Variants in ARID1B observed in about 807,000 individuals in gnomAD.
ARID1B encodes the protein AT-rich interactive domain-containing protein 1B.
ARID1B carries 30 observed loss-of-function variants against 212.3 expected under a neutral mutation model. The ratio of observed to expected loss-of-function variants is 0.14; its 90% CI spans 0.11 to 0.19. ARID1B has a LOEUF of 0.19. Ranked by LOEUF, ARID1B falls within the 10% of genes least tolerant of loss-of-function variation. ARID1B has a pLI of 1.00. For missense variants in ARID1B, 2,891 were observed against 3,204.0 expected (o/e 0.90, Z 2.36); for synonymous variants, 1,402 against 1,301.7 (o/e 1.08, Z -1.66).
At chr6:157,098,600 T>A (rs1785824474) in intron 5 of ARID1B, among the ~76,000 whole-genome samples, 1 of 152,224 alleles carries the variant, frequency 6.6e-6, no homozygotes, top group African/African-American at 2.4e-5. Context: ...TTAGAAGTGG[T>A]TCCTGCTTTC....
chr6:156,818,530 A>T (rs1464189734), intron 1 of ARID1B, among the ~76,000 whole-genome samples: 1 of 152,152 alleles, frequency 6.6e-6, no homozygotes, highest in African/African-American at 2.4e-5. Flanking sequence ...AATCACACTA[A>T]ACATCTTTTG....
chr6:157,077,927 T>C (rs1784407164), intron 4 of ARID1B, among the ~76,000 whole-genome samples: 1 of 152,164 alleles, frequency 6.6e-6, no homozygotes, highest in South Asian at 2.1e-4. Context: ...TTCCTCACAT[T>C]ATTCAGTATC....
rs189648281 is a variant in ARID1B at position 156,860,881 on chromosome 6, T to G, written c.1986+31460T>G. ...TCTGGATCTCTTTAGAAAAAGCCTTTGGTCTATTTAAGCACTCTGTTTGTG... is the reference window on the plus strand; with the variant it reads ...TCTGGATCTCTTTAGAAAAAGCCTTGGGTCTATTTAAGCACTCTGTTTGTG... On this transcript the variant is annotated intron_variant, in intron 2 of 19. Transcript: ENST00000636930. 5.5e-3 allele frequency among the ~76,000 whole-genome samples: 831 copies of G among 152,370 alleles called. 2 individuals are homozygous for G. The highest frequency in any genetic ancestry group is 9.1e-3 in the Non-Finnish European group (616 of 68,026).
chr6:156,816,292 T>C (rs184805260), intron 1 of ARID1B, among the ~76,000 whole-genome samples: 1 of 152,342 alleles, frequency 6.6e-6, no homozygotes, highest in African/African-American at 2.4e-5. Flanking sequence ...TTATTACTTA[T>C]ACTTGACACA....
chr6:156,794,192 TA>T (rs571646196), intron 1 of ARID1B, among the ~76,000 whole-genome samples: 2 of 151,124 alleles, frequency 1.3e-5, no homozygotes, highest in Admixed American at 6.6e-5. Flanking sequence ...TGGTAACATT[TA>T]AAAAAAAAGA....
At chr6:156,875,717 C>T (rs921160889) in intron 2 of ARID1B, among the ~76,000 whole-genome samples, 13 of 152,164 alleles carry the variant, frequency 8.5e-5, no homozygotes, top group African/African-American at 2.2e-4. Flanking sequence ...AAGAAAGCTG[C>T]GCGTATTAAG....
intron 3 of ARID1B, among the ~76,000 whole-genome samples, chr6:156,928,536 C>T (rs1312595592): frequency 1.3e-5 from 2 of 152,174 alleles, no homozygotes; most frequent in East Asian, 3.9e-4. Context: ...GAGGTCCAAA[C>T]ATTAAGGATG....
In ARID1B at chr6:156,859,139, A is replaced by G. The variant is rs550870042; in HGVS notation, c.1986+29718A>G. ...CACTCTTTTTTATTTTTTGAGACAG[A>G]GTCTTGCCTGTCGCCCAGGCTGGAG... is the stretch of plus-strand genomic sequence containing the variant. On this transcript the variant is annotated intron_variant, in intron 2 of 19. Coordinates refer to ENST00000636930, the MANE Select transcript of ARID1B (RefSeq NM_001374828.1). Among the ~76,000 whole-genome samples the G allele has an allele frequency of 2.0e-5, 3 of 152,222 alleles. No individual in the cohort carries two copies. In the South Asian group the frequency reaches 6.2e-4, roughly 32 times the overall value.
At chr6:157,072,229 C>T (rs1012220805) in intron 4 of ARID1B, 4 of 152,176 alleles carry the variant, frequency 2.6e-5, no homozygotes, top group African/African-American at 9.7e-5. Context: ...TTAATCTTCT[C>T]TTCATTCAGT....
chr6:157,133,335 T>C, intron 7 of ARID1B, 128 bp downstream of exon 7: 1 of 1,112,384 alleles, frequency 9.0e-7, no homozygotes, highest in East Asian at 2.7e-5. Flanking sequence ...GACAGGTTTG[T>C]GAGGTTCATA....
chr6:156,870,512 A>C (rs1298810622), intron 2 of ARID1B: 1 of 152,236 alleles, frequency 6.6e-6, no homozygotes. Flanking sequence ...CCATTGAACA[A>C]ATTATTTAGG....
Position 156,779,245 on chromosome 6 carries a change from A to C in ARID1B, c.1565A>C (p.Glu522Ala). Residue 522 changes from glutamate (E) to alanine (A), a missense_variant, in exon 1 of 20, where the codon GAG becomes GCG. Coordinates refer to ENST00000636930, the MANE Select transcript of ARID1B (RefSeq NM_001374828.1). ...MMRSYGGSYP[E>A]YSSPSAPPPP... ...CGGAGCTACGGCGGCAGCTACCCCG[A>C]GTACAGCAGCCCCAGCGCGCCGCCG... The C allele has an allele frequency of 8.4e-7, 1 of 1,194,526 alleles. No homozygotes were observed. The highest frequency in any genetic ancestry group is 1.0e-6 in the Non-Finnish European group (1 of 956,920). 74.0% of individuals were successfully genotyped at this position (1,194,526 alleles called of 1,614,324 possible). A position where few individuals can be genotyped will look rare whatever the true frequency, so the allele number is the denominator to read the frequency against.
Position 157,064,905 on chromosome 6 carries a change from A to T in ARID1B, c.2248-19757A>T, listed in dbSNP as rs186517037. ...CTTCAGGACAAATAAGCAGTAGAGG[A>T]AGTTACTGTCTTTTGTTGTTTTATT... On this transcript the variant is annotated intron_variant, in intron 4 of 19. Coordinates refer to ENST00000636930, the MANE Select transcript of ARID1B (RefSeq NM_001374828.1). 7.9e-3 allele frequency among the ~76,000 whole-genome samples: 1,207 copies of T among 152,320 alleles called. 5 individuals carry two copies. Among genetic ancestry groups the T allele is most frequent in the Non-Finnish European group, 0.013 (906 of 68,028 alleles).
intron 4 of ARID1B, among the ~76,000 whole-genome samples, chr6:156,964,316 T>C (rs573101563): frequency 6.6e-6 from 1 of 152,340 alleles, no homozygotes; most frequent in African/African-American, 2.4e-5. Flanking sequence ...ATTTTGAAAA[T>C]TTATTGGTAT....
At chr6:157,198,775 T>G in intron 16 of ARID1B, 36 bp from the exon 17 acceptor site, 1 of 1,538,338 alleles carries the variant, frequency 6.5e-7, no homozygotes, top group Non-Finnish European at 8.9e-7. Context: ...CTGAAGCTTT[T>G]TCTCAGTTAA....
At chr6:157,024,541 C>T (rs1780532241) in intron 4 of ARID1B, 1 of 152,166 alleles carries the variant, frequency 6.6e-6, no homozygotes, top group African/African-American at 2.4e-5. Context: ...GCGGGCAGAT[C>T]ACTTGAGGTC....
At chr6:156,934,811 G>A (rs1792026405) in intron 3 of ARID1B, among the ~76,000 whole-genome samples, 1 of 150,104 alleles carries the variant, frequency 6.7e-6, no homozygotes, top group South Asian at 2.1e-4. Flanking sequence ...AGTTTGGTTT[G>A]GCTACAGCTG....
At chr6:157,161,429 G>GTATATATATATA (rs1228344142) in intron 8 of ARID1B, among the ~76,000 whole-genome samples, 16 of 134,084 alleles carry the variant, frequency 1.2e-4, no homozygotes, top group African/African-American at 4.8e-4. Context: ...GATTGTGTGT[G>GTATATATATATA]TGTATATATA....
chr6:157,206,063 T>C lies in ARID1B; in HGVS notation c.5395-104T>C. 8.0e-7 allele frequency: 1 copy of C among 1,248,534 alleles called. No individual in the cohort carries two copies. The highest frequency in any genetic ancestry group is 2.3e-5 in the East Asian group (1 of 42,944). The allele number at this position is 1,248,534 out of a possible 1,614,324, so 77.3% of individuals were successfully genotyped here. A position where few individuals can be genotyped will look rare whatever the true frequency, so the allele number is the denominator to read the frequency against. The stretch of plus-strand genomic sequence containing the variant: ...AAGGGAGACAAACGTGTGACAATGA[T>C]GGAAAGGTATTGACGGGTCTCAGGA... On this transcript the variant is annotated intron_variant, in intron 19 of 19. Coordinates refer to ENST00000636930, the MANE Select transcript of ARID1B (RefSeq NM_001374828.1). The surrounding 1 kb of genome is among the most constrained non-coding windows in gnomAD (Gnocchi z 6.8).
Sources: allele counts gnomAD v4.1 joint callset (sites outside exome capture counted in the v4.1 genomes callset), GRCh38; gene constraint gnomAD v4.1.1; non-coding constraint Gnocchi (gnomAD v3.1); transcripts MANE v1.5; gene names NCBI Gene and HGNC (gene_info 2026-07-23, HGNC 2026-07-21).